Variants in FRMD4A observed in about 807,000 individuals in gnomAD.
The protein encoded by FRMD4A is FERM domain-containing protein 4A.
A neutral mutation model predicts 129.1 loss-of-function variants in FRMD4A; 29 were observed. The observed-to-expected ratio is 0.22, with a 90% CI of 0.17 to 0.31. The LOEUF is 0.31. Among genes scored for constraint, FRMD4A ranks in the 10% least tolerant of loss-of-function variants. FRMD4A has a pLI of 1.00. For missense variants in FRMD4A, 1,272 were observed against 1,375.8 expected, an observed-to-expected ratio of 0.92 and a Z score of 1.19; for synonymous variants, 634 against 571.6, an observed-to-expected ratio of 1.11 and a Z score of -1.56.
intron 2 of FRMD4A, among the ~76,000 whole-genome samples, chr10:14,320,939 CT>C (rs1162617554): frequency 6.6e-6 from 1 of 152,248 alleles, no homozygotes; most frequent in Non-Finnish European, 1.5e-5. Flanking sequence ...AATGCAACCT[CT>C]TCTAAGAAGG....
intron 2 of FRMD4A, among the ~76,000 whole-genome samples, chr10:14,072,167 T>C (rs1835347959): frequency 6.6e-6 from 1 of 152,202 alleles, no homozygotes. Context: ...TCTGGATATC[T>C]AGTTGAGATC....
intron 4 of FRMD4A, among the ~76,000 whole-genome samples, chr10:13,799,681 T>A (rs2093209877): frequency 6.6e-6 from 1 of 152,078 alleles, no homozygotes; most frequent in Admixed American, 6.6e-5. Flanking sequence ...TCATGCTGCC[T>A]CTCCTCCTTG....
chr10:13,828,443 C>T (rs1208774390), intron 3 of FRMD4A, among the ~76,000 whole-genome samples: 1 of 152,064 alleles, frequency 6.6e-6, no homozygotes, highest in African/African-American at 2.4e-5. Flanking sequence ...CAGTTCCATC[C>T]ACGTTGCTGC....
chr10:13,798,980 G>A (rs931838105), intron 4 of FRMD4A, among the ~76,000 whole-genome samples: 3 of 152,130 alleles, frequency 2.0e-5, no homozygotes, highest in East Asian at 1.9e-4. Flanking sequence ...GGCCCATCCC[G>A]CAGGACTCAG....
rs935850875 is a variant in FRMD4A at position 13,657,339 on chromosome 10, G to A, written c.2250C>T (p.Cys750=). The A allele has an allele frequency of 6.2e-7, 1 of 1,608,964 alleles. No individual in the cohort carries two copies. The highest frequency in any genetic ancestry group is 8.5e-7 in the Non-Finnish European group (1 of 1,179,044). ...AGTGCTCCGAGCTCGAGTGGCTGGT[G>A]CACGACGAGCAGTCGTCCATGGGGT... The part of the protein sequence containing the change: ...GSDPMDDCSS[C]TSHSSSEHYY... The change falls in exon 22 of 25, where the codon TGC becomes TGT. Residue 750 remains cysteine (C), a synonymous_variant. Coordinates refer to ENST00000357447, the MANE Select transcript of FRMD4A (RefSeq NM_018027.5).
At chr10:14,072,276 T>C (rs1835353125) in intron 2 of FRMD4A, among the ~76,000 whole-genome samples, 1 of 152,174 alleles carries the variant, frequency 6.6e-6, no homozygotes, top group Admixed American at 6.5e-5. Context: ...AAATGGGGCC[T>C]TGAGAAGTCA....
chr10:14,278,653 G>A (rs932501760), intron 2 of FRMD4A, among the ~76,000 whole-genome samples: 1 of 152,096 alleles, frequency 6.6e-6, no homozygotes, highest in Non-Finnish European at 1.5e-5. Context: ...CGGGTAAGAT[G>A]GGGAAAAGAA....
chr10:13,798,247 C>T lies in FRMD4A; in HGVS notation c.207-1659G>A, dbSNP rs375277487. ...CCAACATGGTGAAACCCTGTCTCTA[C>T]TAAAAATACAAAAAATTAGCTGGAC... On this transcript the variant is annotated intron_variant, in intron 4 of 24. Coordinates refer to ENST00000357447, the MANE Select transcript of FRMD4A (RefSeq NM_018027.5). Among the ~76,000 whole-genome samples the T allele has an allele frequency of 6.6e-5, 10 of 152,072 alleles. No individual in the cohort carries two copies. In the East Asian group the frequency reaches 1.2e-3, roughly 18 times the overall value.
At chr10:14,193,546 G>A (rs1285715110) in intron 2 of FRMD4A, among the ~76,000 whole-genome samples, 1 of 143,736 alleles carries the variant, frequency 7.0e-6, no homozygotes, top group African/African-American at 2.5e-5. Context: ...GATGAATTCA[G>A]AACAAGACCC....
intron 12 of FRMD4A, among the ~76,000 whole-genome samples, chr10:13,726,828 C>T (rs1180051560): frequency 6.6e-6 from 1 of 152,190 alleles, no homozygotes; most frequent in Non-Finnish European, 1.5e-5. Context: ...TCTCCAACTG[C>T]TACCATCCTC....
chr10:13,900,564 C>G (rs919157490), intron 2 of FRMD4A, among the ~76,000 whole-genome samples: 7 of 152,144 alleles, frequency 4.6e-5, no homozygotes, highest in Non-Finnish European at 1.5e-5. Flanking sequence ...CTAGCTCTCT[C>G]CCTAAGGCTT....
intron 20 of FRMD4A, among the ~76,000 whole-genome samples, chr10:13,659,735 C>T (rs983785683): frequency 6.6e-6 from 1 of 151,910 alleles, no homozygotes; most frequent in Non-Finnish European, 1.5e-5. Context: ...GGCAGTGTGA[C>T]GGTCCTGCCC....
Position 13,666,282 on chromosome 10 carries a change from G to C in FRMD4A, c.1418C>G (p.Ser473Cys). ...ERLEREFAIQ[S>C]QITEAARRLA... is the part of the protein sequence containing the mutation. Reference sequence around the variant, plus strand: ...GCGGCGGGCGGCCTCCGTAATCTGGGACTGAATGGCAAACTCTCGTTCCAG... The same window carrying C: ...GCGGCGGGCGGCCTCCGTAATCTGGCACTGAATGGCAAACTCTCGTTCCAG... The change falls in exon 18 of 25, where the codon TCC (serine) becomes TGC (cysteine). Residue 473 changes from serine (S) to cysteine (C), a missense_variant. This residue lies in a region of FRMD4A where 972 missense variants were observed against 892.3 expected (regional missense o/e 1.09). Transcript: ENST00000357447. 6.2e-7 allele frequency: 1 copy of C among 1,614,100 alleles called. No individual in the cohort carries two copies. The highest frequency in any genetic ancestry group is 8.5e-7 in the Non-Finnish European group (1 of 1,179,964).
chr10:13,805,169 G>T (rs991582897), intron 4 of FRMD4A, among the ~76,000 whole-genome samples: 8 of 151,684 alleles, frequency 5.3e-5, no homozygotes, highest in African/African-American at 1.7e-4. Flanking sequence ...TAAGAGATGG[G>T]GTCTTGCTCT....
chr10:13,733,051 G>T lies in FRMD4A; in HGVS notation c.759+4793C>A, dbSNP rs182028487. Among the ~76,000 whole-genome samples the T allele has an allele frequency of 4.6e-5, 7 of 152,366 alleles. No homozygotes were observed. In the East Asian group the frequency reaches 1.3e-3, roughly 29 times the overall value. ...GATGAGTTCCTGATGTACAGCGGAG[G>T]TTAAGAGCCACTGGCCTGGAGGCAC... On this transcript the variant is annotated intron_variant, in intron 12 of 24. Coordinates refer to ENST00000357447, the MANE Select transcript of FRMD4A (RefSeq NM_018027.5).
chr10:13,849,881 A>C (rs1250615977), intron 3 of FRMD4A, among the ~76,000 whole-genome samples: 1 of 151,634 alleles, frequency 6.6e-6, no homozygotes, highest in Non-Finnish European at 1.5e-5. Context: ...TAGAGAATCC[A>C]AGTTTAGGCC....
At chr10:14,106,218 T>C (rs560370416) in intron 2 of FRMD4A, among the ~76,000 whole-genome samples, 1 of 152,354 alleles carries the variant, frequency 6.6e-6, no homozygotes, top group Non-Finnish European at 1.5e-5. Flanking sequence ...TTGATATGTT[T>C]CAATTCATCC....
intron 2 of FRMD4A, among the ~76,000 whole-genome samples, chr10:14,199,285 TA>T (rs1842562550): frequency 5.7e-4 from 2 of 3,510 alleles, no homozygotes; most frequent in Non-Finnish European, 5.0e-3. Context: ...TGTCTTATTT[TA>T]TTTATTTATT....
At chr10:14,123,665 A>T (rs184866484) in intron 2 of FRMD4A, among the ~76,000 whole-genome samples, 54 of 152,332 alleles carry the variant, frequency 3.5e-4, no homozygotes, top group Non-Finnish European at 7.1e-4. Context: ...ATATACTAGA[A>T]GTCTCATTCA....
Sources: gnomAD v4.1 joint callset for allele counts (sites outside exome capture counted in the v4.1 genomes callset) on GRCh38, gnomAD v4.1.1 for gene constraint, gnomAD v4.1.1 regional missense constraint, MANE v1.5 for transcripts, NCBI Gene and HGNC (gene_info 2026-07-23, HGNC 2026-07-21) for gene names.